Variants in SLC25A48 observed in about 807,000 individuals in gnomAD.
The protein encoded by SLC25A48 is CTC-321K16.1.
Under a neutral mutation model 32.2 loss-of-function variants are expected in SLC25A48, and 29 were observed. The observed-to-expected ratio is 0.90, with a 90% CI of 0.67 to 1.23. The LOEUF is 1.23. Among genes scored for constraint, SLC25A48 ranks in the 50% most tolerant of loss-of-function variants. SLC25A48 has a pLI of 0.00. For missense variants in SLC25A48, 399 were observed against 422.7 expected (o/e 0.94, Z 0.49); for synonymous variants, 164 against 172.3 (o/e 0.95, Z 0.38).
At chr5:135,884,914 C>T (rs7737878) in intron 7 of SLC25A48, among the ~76,000 whole-genome samples, 6,311 of 152,168 alleles carry the variant, frequency 0.041, 161 homozygotes, top group Middle Eastern at 0.065. Flanking sequence ...CATGGCACCT[C>T]TTGATGGTAG....
chr5:135,753,293 A>G (rs764111221), intron 3 of SLC25A48, among the ~76,000 whole-genome samples: 1 of 152,018 alleles, frequency 6.6e-6, no homozygotes, highest in East Asian at 1.9e-4. Flanking sequence ...TGATTCTAAC[A>G]GTAATATCTT....
intron 3 of SLC25A48, among the ~76,000 whole-genome samples, chr5:135,676,849 G>T (rs1753783022): frequency 6.6e-6 from 1 of 151,988 alleles, no homozygotes; most frequent in Admixed American, 6.6e-5. Flanking sequence ...TTAAAAATTT[G>T]TTGAGATTTG....
At chr5:135,664,930 G>A (rs181377313) in intron 3 of SLC25A48, among the ~76,000 whole-genome samples, 63 of 152,242 alleles carry the variant, frequency 4.1e-4, no homozygotes, top group African/African-American at 1.5e-3. Context: ...TTTCCTTTGG[G>A]TAGATACCCA....
At chr5:135,845,922 G>A (rs895589156) in intron 2 of SLC25A48, among the ~76,000 whole-genome samples, 5 of 152,288 alleles carry the variant, frequency 3.3e-5, no homozygotes, top group East Asian at 1.9e-4. Context: ...CTGATGCAGC[G>A]TGGCTAGGTT....
At chr5:135,647,893 G>T (rs1037990795) in intron 3 of SLC25A48, among the ~76,000 whole-genome samples, 1 of 152,104 alleles carries the variant, frequency 6.6e-6, no homozygotes, top group African/African-American at 2.4e-5. Flanking sequence ...CCACCACTGC[G>T]CTTTAGAAGG....
chr5:135,592,482 G>A (rs922221514), intron 1 of SLC25A48, among the ~76,000 whole-genome samples: 6 of 152,198 alleles, frequency 3.9e-5, no homozygotes, highest in Non-Finnish European at 8.8e-5. Context: ...TGTAACAGGT[G>A]TCACTGGCAA....
At chr5:135,703,163 T>C (rs1449786328) in intron 3 of SLC25A48, among the ~76,000 whole-genome samples, 2 of 152,034 alleles carry the variant, frequency 1.3e-5, no homozygotes, top group Non-Finnish European at 2.9e-5. Context: ...CAGGCTTGTG[T>C]TGTTTTGTCT....
intron 3 of SLC25A48, among the ~76,000 whole-genome samples, chr5:135,638,742 T>C (rs1752765849): frequency 6.6e-6 from 1 of 152,214 alleles, no homozygotes; most frequent in African/African-American, 2.4e-5. Context: ...AAATATAACG[T>C]CTTATGATCA....
chr5:135,762,706 T>C (rs895457071), intron 3 of SLC25A48, among the ~76,000 whole-genome samples: 1 of 151,516 alleles, frequency 6.6e-6, no homozygotes, highest in South Asian at 2.1e-4. Context: ...TGAGAATGAG[T>C]GTGTGCGTGT....
At chr5:135,680,548 C>G (rs532564613) in intron 3 of SLC25A48, among the ~76,000 whole-genome samples, 4 of 152,294 alleles carry the variant, frequency 2.6e-5, no homozygotes, top group African/African-American at 9.6e-5. Flanking sequence ...ACTCACAGTT[C>G]CACATGGCTG....
At chr5:135,590,878 A>G (rs1221135046) in intron 1 of SLC25A48, among the ~76,000 whole-genome samples, 3 of 152,214 alleles carry the variant, frequency 2.0e-5, no homozygotes, top group African/African-American at 7.2e-5. Flanking sequence ...TGAGTTCTCA[A>G]CCCATCCCAA....
rs188746209 is a variant in SLC25A48 at position 135,704,501 on chromosome 5, C to T, written c.-521+69545C>T. 2.0e-5 allele frequency among the ~76,000 whole-genome samples: 3 copies of T among 152,352 alleles called. No individual in the cohort carries two copies. The East Asian group carries it at 5.8e-4, about 29-fold the overall frequency. On this transcript the variant is annotated intron_variant, in intron 3 of 10. Transcript: ENST00000646290. ...CTAAACTCAGACTTGAGATTTCTGA[C>T]TTCCAGATCAGTGCTATTTGGCCAG...
intron 3 of SLC25A48, chr5:135,652,339 C>A (rs1465263851): frequency 2.2e-6 from 1 of 455,336 alleles, no homozygotes; most frequent in Admixed American, 2.4e-5. Flanking sequence ...GATATGTATT[C>A]TAGAAATCGA....
At chr5:135,753,859 C>A (rs1448998878) in intron 3 of SLC25A48, among the ~76,000 whole-genome samples, 1 of 151,968 alleles carries the variant, frequency 6.6e-6, no homozygotes, top group African/African-American at 2.4e-5. Context: ...CACGTGTACA[C>A]CCACTGTGAT....
intron 1 of SLC25A48, among the ~76,000 whole-genome samples, chr5:135,600,206 G>C (rs1423478266): frequency 3.3e-5 from 5 of 152,228 alleles, no homozygotes; most frequent in African/African-American, 1.2e-4. Flanking sequence ...GGCCTTCACG[G>C]CTCTGATGCT....
chr5:135,657,028 C>T (rs944398329), intron 3 of SLC25A48, among the ~76,000 whole-genome samples: 1 of 152,106 alleles, frequency 6.6e-6, no homozygotes, highest in Non-Finnish European at 1.5e-5. Flanking sequence ...TTTGCCTGCC[C>T]CTCCACCCTC....
At chr5:135,862,192 G>T (rs79555955) in intron 4 of SLC25A48, among the ~76,000 whole-genome samples, 2,123 of 152,372 alleles carry the variant, frequency 0.014, 39 homozygotes, top group African/African-American at 0.045. Flanking sequence ...CAGACCAGTA[G>T]TCCCTTTGCT....
At chr5:135,590,614 G>A (rs1298526034) in intron 1 of SLC25A48, among the ~76,000 whole-genome samples, 1 of 152,194 alleles carries the variant, frequency 6.6e-6, no homozygotes, top group African/African-American at 2.4e-5. Flanking sequence ...GCTAGTGGAG[G>A]AGAACAGAGA....
At chr5:135,816,350 A>C (rs1433729774) in intron 4 of SLC25A48, among the ~76,000 whole-genome samples, 1 of 152,226 alleles carries the variant, frequency 6.6e-6, no homozygotes, top group Non-Finnish European at 1.5e-5. Flanking sequence ...AAATAAAAAC[A>C]GTTAACCTGT....
Sources: allele counts gnomAD v4.1 joint callset (sites outside exome capture counted in the v4.1 genomes callset), GRCh38; gene constraint gnomAD v4.1.1; transcripts MANE v1.5; gene names NCBI Gene and HGNC (gene_info 2026-07-23, HGNC 2026-07-21).